The following NFIA variants were observed in gnomAD, a reference collection of about 807,000 sequenced individuals.
The protein encoded by NFIA is nuclear factor 1 A-type.
A neutral mutation model predicts 62.8 loss-of-function variants in NFIA; 8 were observed. That is an observed-to-expected ratio of 0.13 (90% CI 0.07 to 0.23). The LOEUF is 0.23. Ranked by LOEUF, NFIA falls within the 10% of genes least tolerant of loss-of-function variation. NFIA has a pLI of 1.00. For missense variants in NFIA, 410 were observed against 642.1 expected, an observed-to-expected ratio of 0.64 and a Z score of 3.91; for synonymous variants, 235 against 238.1, an observed-to-expected ratio of 0.99 and a Z score of 0.12.
chr1:61,199,299 A>G (rs1652253797), intron 2 of NFIA, among the ~76,000 whole-genome samples: 1 of 152,250 alleles, frequency 6.6e-6, no homozygotes, highest in South Asian at 2.1e-4. Flanking sequence ...CGTGCAAAGC[A>G]AAAAAGACAT....
chr1:61,342,264 C>T (rs1039487431), intron 4 of NFIA, among the ~76,000 whole-genome samples: 3 of 151,994 alleles, frequency 2.0e-5, no homozygotes, highest in Admixed American at 2.0e-4. Context: ...GTTTGGTTTC[C>T]TAATAGCTAA....
intron 3 of NFIA, among the ~76,000 whole-genome samples, chr1:61,306,377 G>T (rs762891807): frequency 1.4e-5 from 2 of 144,030 alleles, no homozygotes; most frequent in Non-Finnish European, 3.0e-5. Flanking sequence ...CTGGGTTCAA[G>T]CGATTCTTGT....
chr1:61,166,843 A>C lies in NFIA; in HGVS notation c.559+78163A>C, dbSNP rs1311354811. ...GTGTTCTTGTACTTAAAGAACTTAC[A>C]TCTTTTCCTTCCTTCTGGCCGGGCG... On this transcript the variant is annotated intron_variant, in intron 2 of 10. Coordinates refer to ENST00000403491, the MANE Select transcript of NFIA (RefSeq NM_001134673.4). 4.6e-5 allele frequency among the ~76,000 whole-genome samples: 7 copies of C among 152,188 alleles called. No individual in the cohort carries two copies. The East Asian group carries it at 9.7e-4, about 21-fold the overall frequency.
chr1:61,217,496 A>G (rs967922182), intron 2 of NFIA, among the ~76,000 whole-genome samples: 1 of 152,142 alleles, frequency 6.6e-6, no homozygotes, highest in African/African-American at 2.4e-5. Flanking sequence ...TTTTCTCCTT[A>G]GCATTCCTTT....
intron 4 of NFIA, among the ~76,000 whole-genome samples, chr1:61,337,826 C>A (rs754112695): frequency 3.9e-5 from 6 of 152,220 alleles, no homozygotes; most frequent in South Asian, 2.1e-4. Flanking sequence ...TTATTTTGCG[C>A]TAGTGTTTTC....
intron 2 of NFIA, among the ~76,000 whole-genome samples, chr1:61,089,687 T>TTTTTTTC: frequency 6.7e-6 from 1 of 149,232 alleles, no homozygotes; most frequent in African/African-American, 2.5e-5. Flanking sequence ...TATTTAACGT[T>TTTTTTTC]TTTTTTTCTT....
chr1:61,219,437 G>A (rs1474060021), intron 2 of NFIA, among the ~76,000 whole-genome samples: 4 of 151,904 alleles, frequency 2.6e-5, no homozygotes, highest in African/African-American at 4.8e-5. Context: ...CAAAGAAGCC[G>A]GGTGCGGTGG....
intron 6 of NFIA, among the ~76,000 whole-genome samples, chr1:61,359,642 A>T (rs749907195): frequency 1.3e-5 from 2 of 152,076 alleles, no homozygotes; most frequent in East Asian, 3.9e-4. Context: ...GTACAGTGGC[A>T]TGATCTTGGC....
chr1:61,166,333 A>G (rs1041251141), intron 2 of NFIA, among the ~76,000 whole-genome samples: 1 of 152,178 alleles, frequency 6.6e-6, no homozygotes, highest in African/African-American at 2.4e-5. Flanking sequence ...TGAGGATGCC[A>G]AGTCCACACC....
chr1:61,260,323 T>C (rs1264610277), intron 2 of NFIA, among the ~76,000 whole-genome samples: 1 of 152,216 alleles, frequency 6.6e-6, no homozygotes, highest in East Asian at 1.9e-4. Flanking sequence ...CCAGAGACTA[T>C]GTCACTGTTC....
chr1:61,395,486 T>C (rs1393301173), intron 7 of NFIA, among the ~76,000 whole-genome samples: 1 of 152,178 alleles, frequency 6.6e-6, no homozygotes, highest in African/African-American at 2.4e-5. Flanking sequence ...AATCATCCAA[T>C]CTATGGTGGT....
At chr1:61,141,564 G>T (rs564158625) in intron 2 of NFIA, among the ~76,000 whole-genome samples, 3 of 152,312 alleles carry the variant, frequency 2.0e-5, no homozygotes, top group African/African-American at 4.8e-5. Flanking sequence ...TATTTAGCAC[G>T]AAGTGATGCC....
At chr1:61,170,734 G>A (rs544534396) in intron 2 of NFIA, among the ~76,000 whole-genome samples, 28 of 152,298 alleles carry the variant, frequency 1.8e-4, no homozygotes, top group Non-Finnish European at 3.4e-4. Context: ...TGGAACTTTA[G>A]AAGAGGGTCT....
chr1:61,094,912 A>C (rs1646384497), intron 2 of NFIA, among the ~76,000 whole-genome samples: 1 of 152,226 alleles, frequency 6.6e-6, no homozygotes, highest in Non-Finnish European at 1.5e-5. Context: ...AACAAATGAC[A>C]AGTTGCAGCA....
intron 3 of NFIA, among the ~76,000 whole-genome samples, chr1:61,314,854 C>T (rs57722822): frequency 0.023 from 3,509 of 152,232 alleles, 164 homozygotes; most frequent in African/African-American, 0.077. Flanking sequence ...TCAAGCCTTC[C>T]CCACTAGCTG....
chr1:61,248,840 T>A (rs948529176), intron 2 of NFIA: 1 of 152,242 alleles, frequency 6.6e-6, no homozygotes, highest in Non-Finnish European at 1.5e-5. Context: ...CACTTCTGAA[T>A]GCTCATGGAG....
chr1:61,180,997 A>G (rs1017898414), intron 2 of NFIA, among the ~76,000 whole-genome samples: 1 of 152,220 alleles, frequency 6.6e-6, no homozygotes, highest in Non-Finnish European at 1.5e-5. Flanking sequence ...TATAAGAGCT[A>G]AAATTTTTAT....
chr1:61,198,956 A>G (rs1445291133), intron 2 of NFIA, among the ~76,000 whole-genome samples: 2 of 152,170 alleles, frequency 1.3e-5, no homozygotes, highest in African/African-American at 4.8e-5. Flanking sequence ...TATGTTTGCC[A>G]TCCTTAGGAA....
chr1:61,125,242 C>A (rs1330775821), intron 2 of NFIA: 1 of 152,130 alleles, frequency 6.6e-6, no homozygotes, highest in Non-Finnish European at 1.5e-5. Flanking sequence ...AATTTATTCA[C>A]ATGTGACATT....
Sources: allele counts gnomAD v4.1 joint callset (sites outside exome capture counted in the v4.1 genomes callset), GRCh38; gene constraint gnomAD v4.1.1; transcripts MANE v1.5; gene names NCBI Gene and HGNC (gene_info 2026-07-23, HGNC 2026-07-21).